The following ARHGAP10 variants were observed in gnomAD, a reference collection of about 807,000 sequenced individuals.
ARHGAP10 encodes the protein Rho GTPase activating protein 10, also known as rho GTPase-activating protein 10.
Under a neutral mutation model 108.6 loss-of-function variants are expected in ARHGAP10, and 87 were observed. The observed-to-expected ratio is 0.80, with a 90% CI of 0.67 to 0.96. The LOEUF (loss-of-function observed/expected upper bound fraction) is 0.96. ARHGAP10 is among the 40% of genes least tolerant of loss of function. The pLI is 0.00. For missense variants in ARHGAP10, 939 were observed against 954.5 expected (o/e 0.98, Z 0.21); for synonymous variants, 347 against 341.1 (o/e 1.02, Z -0.19).
chr4:147,751,969 T>C (rs1158363592), intron 1 of ARHGAP10, among the ~76,000 whole-genome samples: 3 of 147,966 alleles, frequency 2.0e-5, no homozygotes, highest in Middle Eastern at 3.2e-3. Context: ...CACTGCCACC[T>C]CTGACTCCCA....
chr4:147,958,098 A>G (rs866836580), intron 16 of ARHGAP10, among the ~76,000 whole-genome samples: 56 of 152,328 alleles, frequency 3.7e-4, no homozygotes, highest in Middle Eastern at 3.4e-3. Flanking sequence ...TATGGGGAAT[A>G]CAAAAGATTG....
At chr4:147,961,812 G>T (rs907721336) in intron 16 of ARHGAP10, among the ~76,000 whole-genome samples, 1 of 152,078 alleles carries the variant, frequency 6.6e-6, no homozygotes, top group Non-Finnish European at 1.5e-5. Context: ...TCCACTGGCT[G>T]TGCCCAGCCT....
intron 18 of ARHGAP10, among the ~76,000 whole-genome samples, chr4:148,019,739 T>A (rs1049161744): frequency 4.0e-5 from 6 of 150,994 alleles, no homozygotes; most frequent in Non-Finnish European, 8.8e-5. Context: ...CACTCCAGCC[T>A]GGGTGACAGA....
At chr4:147,900,819 TCAA>T (rs36114707) in intron 10 of ARHGAP10, among the ~76,000 whole-genome samples, 1,929 of 150,618 alleles carry the variant, frequency 0.013, 14 homozygotes, top group Non-Finnish European at 0.021. Context: ...ATAAATAAAT[TCAA>T]CAACAACAAC....
chr4:147,811,590 TA>T (rs1175026659), intron 1 of ARHGAP10, among the ~76,000 whole-genome samples: 3,776 of 95,114 alleles, frequency 0.04, 127 homozygotes, highest in African/African-American at 0.091. Context: ...TGGCTTTTTT[TA>T]AAAAAAAAAA....
intron 21 of ARHGAP10, 89 bp from the exon 22 acceptor site, chr4:148,064,327 T>G: frequency 2.0e-5 from 21 of 1,071,360 alleles, no homozygotes; most frequent in Non-Finnish European, 2.8e-5. Context: ...GTGACATCAG[T>G]GAGATTTGGG....
intron 10 of ARHGAP10, among the ~76,000 whole-genome samples, chr4:147,899,483 C>T (rs950795978): frequency 2.0e-5 from 3 of 152,096 alleles, no homozygotes; most frequent in African/African-American, 7.2e-5. Flanking sequence ...GGTTCTCCGT[C>T]TTGTTCTTAT....
chr4:147,878,734 A>G (rs1285355730), intron 8 of ARHGAP10, among the ~76,000 whole-genome samples: 1 of 151,236 alleles, frequency 6.6e-6, no homozygotes, highest in Non-Finnish European at 1.5e-5. Context: ...GCTAAATCTT[A>G]GAGGTTTGTT....
chr4:148,033,985 AAG>A (rs1728263385), intron 19 of ARHGAP10, among the ~76,000 whole-genome samples: 1 of 152,136 alleles, frequency 6.6e-6, no homozygotes, highest in African/African-American at 2.4e-5. Context: ...TGTAACGGTT[AAG>A]TTTGGATTTA....
chr4:147,916,026 T>G (rs1164548642), intron 13 of ARHGAP10, among the ~76,000 whole-genome samples: 1 of 152,224 alleles, frequency 6.6e-6, no homozygotes, highest in Non-Finnish European at 1.5e-5. Flanking sequence ...GGAGGATCAC[T>G]GGATCCCAGG....
chr4:148,060,886 A>C (rs1348158261), intron 20 of ARHGAP10, among the ~76,000 whole-genome samples: 2 of 152,202 alleles, frequency 1.3e-5, no homozygotes, highest in Admixed American at 1.3e-4. Flanking sequence ...AAAACAAAAA[A>C]GGTGAATGTG....
At chr4:148,052,388 T>C (rs1203540438) in intron 20 of ARHGAP10, among the ~76,000 whole-genome samples, 1 of 134,922 alleles carries the variant, frequency 7.4e-6, no homozygotes, top group Non-Finnish European at 1.6e-5. Context: ...TTTTTGCACA[T>C]TTGCTTTTTT....
chr4:147,738,953 C>T (rs1028357293), intron 1 of ARHGAP10, among the ~76,000 whole-genome samples: 5 of 151,698 alleles, frequency 3.3e-5, no homozygotes, highest in Non-Finnish European at 7.4e-5. Flanking sequence ...GAGGCCGAGG[C>T]GGGTGGATCA....
chr4:147,877,525 G>C (rs996994506), intron 8 of ARHGAP10, among the ~76,000 whole-genome samples: 4 of 152,116 alleles, frequency 2.6e-5, no homozygotes, highest in Non-Finnish European at 4.4e-5. Flanking sequence ...TTGTTTGTTT[G>C]TACATGAAAT....
At chr4:148,047,669 AG>A (rs1204243989) in intron 20 of ARHGAP10, among the ~76,000 whole-genome samples, 1 of 152,236 alleles carries the variant, frequency 6.6e-6, no homozygotes, top group Non-Finnish European at 1.5e-5. Context: ...TGTGGAGTAA[AG>A]GCAGGATGGT....
intron 19 of ARHGAP10, among the ~76,000 whole-genome samples, chr4:148,032,526 G>T (rs999221309): frequency 2.0e-5 from 3 of 151,864 alleles, no homozygotes; most frequent in African/African-American, 7.3e-5. Context: ...TTTTTATATG[G>T]TTCAACCTAT....
intron 18 of ARHGAP10, among the ~76,000 whole-genome samples, chr4:147,982,814 A>G (rs1207226009): frequency 1.3e-5 from 2 of 151,936 alleles, no homozygotes; most frequent in Non-Finnish European, 2.9e-5. Flanking sequence ...TTCTCTCAGG[A>G]ATGCCAATAA....
At chr4:147,984,481 C>T (rs1269902265) in intron 18 of ARHGAP10, among the ~76,000 whole-genome samples, 2 of 152,192 alleles carry the variant, frequency 1.3e-5, no homozygotes, top group African/African-American at 2.4e-5. Flanking sequence ...CTTTGACCCA[C>T]GGTGGCCTTT....
rs576485855 is a variant in ARHGAP10, at chr4:147,966,845, AT to A, written c.1716+16del. 1.7e-4 allele frequency: 262 copies of A among 1,514,678 alleles called. No homozygotes were observed. The highest frequency in any genetic ancestry group is 5.9e-4 in the South Asian group (46 of 78,438). The allele number at this position is 1,514,678 out of a possible 1,614,324, so 93.8% of individuals were successfully genotyped here. The stretch of plus-strand genomic sequence containing the variant: ...TAATTGAAAACCATGAAAAGGTAAA[AT>A]TTTTTTTTTCTTTAAGAGACTTTGT... On this transcript the variant is annotated splice_region_variant and intron_variant, in intron 18 of 22. Transcript: ENST00000336498.
Sources: allele counts gnomAD v4.1 joint callset (sites outside exome capture counted in the v4.1 genomes callset), GRCh38; gene constraint gnomAD v4.1.1; transcripts MANE v1.5; gene names NCBI Gene and HGNC (gene_info 2026-07-23, HGNC 2026-07-21).